Variants in ASH1L observed in about 807,000 individuals in gnomAD.
ASH1L encodes the protein histone-lysine N-methyltransferase ASH1L.
In ASH1L, 23 loss-of-function variants were observed where a neutral mutation model predicts 269.0. That is an observed-to-expected ratio of 0.09 (90% CI 0.06 to 0.12). The LOEUF (loss-of-function observed/expected upper bound fraction) is 0.12, where lower values mean the gene tolerates loss of function less well. Among genes scored for constraint, ASH1L ranks in the 10% least tolerant of loss-of-function variants. ASH1L has a pLI of 1.00. For missense variants in ASH1L, 2,912 were observed against 3,567.8 expected (o/e 0.82, Z 4.68); for synonymous variants, 1,187 against 1,253.5 (o/e 0.95, Z 1.12).
At chr1:155,475,846 C>A (rs1665496177) in intron 3 of ASH1L, among the ~76,000 whole-genome samples, 1 of 152,186 alleles carries the variant, frequency 6.6e-6, no homozygotes, top group Non-Finnish European at 1.5e-5. Flanking sequence ...CCATTTCATG[C>A]TGTACTCTCT....
intron 10 of ASH1L, among the ~76,000 whole-genome samples, chr1:155,374,180 T>C (rs917912529): frequency 6.6e-6 from 1 of 151,886 alleles, no homozygotes; most frequent in Admixed American, 6.6e-5. Context: ...AATACAAAAA[T>C]TAGCCAGGCG....
chr1:155,425,319 C>T (rs1472955992), intron 5 of ASH1L, among the ~76,000 whole-genome samples: 1 of 150,064 alleles, frequency 6.7e-6, no homozygotes, highest in Non-Finnish European at 1.5e-5. Context: ...CCTCTGTCGC[C>T]CAGGCTGGAG....
At chr1:155,357,441 T>C in intron 14 of ASH1L, 31 bp from the exon 15 acceptor site, 1 of 1,597,308 alleles carries the variant, frequency 6.3e-7, no homozygotes, top group Non-Finnish European at 8.6e-7. Context: ...ATTAGAGATT[T>C]AAAAAAATAT....
Position 155,562,798 on chromosome 1 carries a change from A to AGCC in ASH1L, c.-748_-746dup. The AGCC allele has an allele frequency of 4.8e-6, 3 of 619,120 alleles. No homozygotes were observed. In the East Asian group the frequency reaches 1.2e-4, roughly 25 times the overall value. The allele number at this position is 619,120 out of a possible 1,614,324, so 38.4% of individuals were successfully genotyped here. A position where few individuals can be genotyped will look rare whatever the true frequency, so the allele number is the denominator to read the frequency against. ...GCGTACCTTCAACGGCGCAAGCCCA[A>AGCC]GCCTCCTCCTCCTCCTCCTCCACCT... is the stretch of plus-strand genomic sequence containing the variant. On this transcript the variant is annotated 5_prime_UTR_variant, in exon 1 of 28. Coordinates refer to ENST00000392403, the MANE Select transcript of ASH1L (RefSeq NM_018489.3).
intron 1 of ASH1L, among the ~76,000 whole-genome samples, chr1:155,554,036 C>G (rs1254094031): frequency 6.7e-6 from 1 of 150,006 alleles, no homozygotes; most frequent in Non-Finnish European, 1.5e-5. Context: ...ACCTCGTGAT[C>G]TGCCCACCTC....
At position 155,562,322 on chromosome 1, in the gene ASH1L, G is replaced by A. The variant is rs763991454; in HGVS notation, c.-269C>T. ...TGGCGGAAATGCGAGAGAGGAGAAG[G>A]GAAAGGTGGAAGGCTAAAGGGGGCA... is the stretch of plus-strand genomic sequence containing the variant. On this transcript the variant is annotated 5_prime_UTR_variant, in exon 1 of 28. Transcript: ENST00000392403. 8.9e-6 allele frequency: 14 copies of A among 1,578,288 alleles called. No homozygotes were observed. In the East Asian group the frequency reaches 2.5e-4, roughly 28 times the overall value.
intron 6 of ASH1L, among the ~76,000 whole-genome samples, chr1:155,395,784 A>C (rs1024223913): frequency 2.6e-5 from 4 of 152,124 alleles, no homozygotes; most frequent in African/African-American, 9.7e-5. Context: ...GGACTGCCTG[A>C]GCCCAGGAAT....
chr1:155,548,934 G>A (rs1671010544), intron 1 of ASH1L, among the ~76,000 whole-genome samples: 1 of 152,156 alleles, frequency 6.6e-6, no homozygotes, highest in Non-Finnish European at 1.5e-5. Context: ...GTATCCATGG[G>A]TTTCACATAC....
At chr1:155,523,210 C>G (rs1402036171) in intron 1 of ASH1L, among the ~76,000 whole-genome samples, 1 of 152,058 alleles carries the variant, frequency 6.6e-6, no homozygotes, top group African/African-American at 2.4e-5. Flanking sequence ...GAGTAAGATT[C>G]CTGGCCAGGC....
chr1:155,554,814 A>G (rs1465365765), intron 1 of ASH1L, among the ~76,000 whole-genome samples: 1 of 152,226 alleles, frequency 6.6e-6, no homozygotes, highest in Non-Finnish European at 1.5e-5. Context: ...GGAATGAATG[A>G]ATACAAAACA....
chr1:155,338,461 C>T, intron 26 of ASH1L, 71 bp from the exon 27 acceptor site: 1 of 1,452,466 alleles, frequency 6.9e-7, no homozygotes, highest in Non-Finnish European at 9.3e-7. Context: ...TAGGAGGCCT[C>T]AAGATGGCTT....
chr1:155,388,344 T>G (rs1657614087), intron 7 of ASH1L, among the ~76,000 whole-genome samples: 2 of 152,192 alleles, frequency 1.3e-5, no homozygotes, highest in African/African-American at 4.8e-5. Context: ...CAGGCTGGAG[T>G]GCACTGGTGC....
intron 1 of ASH1L, among the ~76,000 whole-genome samples, chr1:155,544,452 A>C (rs1356502037): frequency 6.6e-6 from 1 of 151,724 alleles, no homozygotes; most frequent in Admixed American, 6.6e-5. Context: ...ACGACCAGCC[A>C]ATTTTTTTGT....
chr1:155,502,894 A>C (rs1333443819), intron 2 of ASH1L, among the ~76,000 whole-genome samples: 1 of 152,200 alleles, frequency 6.6e-6, no homozygotes, highest in Admixed American at 6.5e-5. Flanking sequence ...TAGAATTTTT[A>C]AGAGTTACCA....
Position 155,478,669 on chromosome 1 carries a change from A to G in ASH1L, c.4201T>C (p.Tyr1401His), listed in dbSNP as rs1665742567. 1 of 1,614,106 alleles carries G rather than the reference A, an allele frequency of 6.2e-7. No homozygotes were observed. The highest frequency in any genetic ancestry group is 8.5e-7 in the Non-Finnish European group (1 of 1,180,018). ...LTAAPIGLGY[Y>H]GRYPPTLYPP... ...TAAAGAGTGGGAGGATACCTTCCAT[A>G]GTAACCTAATCCTATGGGAGCAGCT... is the stretch of plus-strand genomic sequence containing the variant. The change falls in exon 3 of 28, where the codon TAT becomes CAT. Residue 1401 changes from tyrosine (Y) to histidine (H), a missense_variant. By Grantham distance (83) the Tyr-to-His change is moderately conservative. Transcript: ENST00000392403. This position sits in a 1 kb window ranked among gnomAD's most constrained non-coding sequence, Gnocchi z 4.6.
At chr1:155,435,788 C>A (rs1273896707) in intron 5 of ASH1L, among the ~76,000 whole-genome samples, 1 of 152,192 alleles carries the variant, frequency 6.6e-6, no homozygotes, top group Non-Finnish European at 1.5e-5. Context: ...TGGTGGCTCA[C>A]GCCTGTAATC....
rs2148332270 is a variant in ASH1L at position 155,346,400 on chromosome 1, G to T, written c.7873C>A (p.Pro2625Thr). The part of the protein sequence containing the change: ...VEHYLCEQCD[P>T]RPVDREVPMI... Reference sequence around the variant, plus strand: ...CAGCTTACCCTGTCCACAGGCCTTGGGTCACACTGCTCACAAAGGTAGTGC... The same window carrying T: ...CAGCTTACCCTGTCCACAGGCCTTGTGTCACACTGCTCACAAAGGTAGTGC... Residue 2625 changes from proline to threonine, a missense_variant, in exon 21 of 28, where the codon CCA becomes ACA. Transcript: ENST00000392403. The T allele has an allele frequency of 6.2e-7, 1 of 1,613,974 alleles. No individual in the cohort carries two copies. Among genetic ancestry groups the T allele is most frequent in the Non-Finnish European group, 8.5e-7 (1 of 1,179,970 alleles).
chr1:155,350,707 G>A (rs1262371279), intron 17 of ASH1L, among the ~76,000 whole-genome samples: 2 of 152,064 alleles, frequency 1.3e-5, no homozygotes, highest in Non-Finnish European at 2.9e-5. Context: ...CAGATCATGA[G>A]GTCAGGAGAT....
chr1:155,556,245 G>A (rs2148922472), intron 1 of ASH1L, among the ~76,000 whole-genome samples: 1 of 152,114 alleles, frequency 6.6e-6, no homozygotes, highest in South Asian at 2.1e-4. Flanking sequence ...AACCAGATGT[G>A]GTGGCACATA....
Sources: allele counts gnomAD v4.1 joint callset (sites outside exome capture counted in the v4.1 genomes callset), GRCh38; gene constraint gnomAD v4.1.1; non-coding constraint Gnocchi (gnomAD v3.1); transcripts MANE v1.5; gene names NCBI Gene and HGNC (gene_info 2026-07-23, HGNC 2026-07-21).